Variants in LLGL2 observed in about 807,000 individuals in gnomAD.
The protein encoded by LLGL2 is LLGL2, scribble cell polarity complex component.
A neutral mutation model predicts 123.2 loss-of-function variants in LLGL2; 81 were observed. That is an observed-to-expected ratio of 0.66 (90% confidence interval 0.55 to 0.79). The LOEUF (loss-of-function observed/expected upper bound fraction) is 0.79, where lower values mean the gene tolerates loss of function less well. Ranked by LOEUF, LLGL2 falls within the 30% of genes least tolerant of loss-of-function variation. The pLI, the probability that LLGL2 is intolerant of heterozygous loss-of-function variation, is 0.00. For missense variants in LLGL2, 1,273 were observed against 1,414.6 expected (o/e 0.90, Z 1.61); for synonymous variants, 577 against 594.1 (o/e 0.97, Z 0.42).
chr17:75,572,348 C>G (rs961054162), intron 19 of LLGL2, among the ~76,000 whole-genome samples: 1 of 134,718 alleles, frequency 7.4e-6, no homozygotes, highest in African/African-American at 3.2e-5. Context: ...GAAACCCTGA[C>G]TACTAAAAAT....
In LLGL2 at chr17:75,547,116, C is replaced by T. The variant is rs144426921; in HGVS notation, c.75+3615C>T. ...CCTTTTTGTCCAACACCTTTTGGCT[C>T]AACTCCTTTATACCCACACCAAGCC... is the stretch of plus-strand genomic sequence containing the variant. On this transcript the variant is annotated intron_variant, in intron 2 of 25. Transcript: ENST00000392550. 3.2e-3 allele frequency among the ~76,000 whole-genome samples: 490 copies of T among 152,282 alleles called. 1 individual carries two copies. Among genetic ancestry groups the T allele is most frequent in the Middle Eastern group, 0.02 (6 of 294 alleles).
intron 1 of LLGL2, among the ~76,000 whole-genome samples, chr17:75,529,261 A>G (rs541840850): frequency 6.6e-6 from 1 of 150,830 alleles, no homozygotes; most frequent in Non-Finnish European, 1.5e-5. Context: ...CAGTGGCGTG[A>G]TCTCAGCTCA....
rs2054905088 is a variant in LLGL2 at position 75,556,158 on chromosome 17, C to T, written c.173+15C>T. ...GCCATCAAGCTGTATCCTCCGTCCC[C>T]TCGCTCCCACTCGGGCAGGGCCTTG... On this transcript the variant is annotated intron_variant, in intron 3 of 25. Transcript: ENST00000392550. 2 of 1,595,662 alleles carry T rather than the reference C, an allele frequency of 1.3e-6. No individual in the cohort carries two copies. Among genetic ancestry groups the T allele is most frequent in the African/African-American group, 1.3e-5 (1 of 74,878 alleles).
At chr17:75,539,915 C>A (rs905455796) in intron 1 of LLGL2, among the ~76,000 whole-genome samples, 16 of 152,162 alleles carry the variant, frequency 1.1e-4, no homozygotes, top group African/African-American at 3.9e-4. Context: ...GGTTGGAAAT[C>A]ATCCCATTTT....
intron 1 of LLGL2, among the ~76,000 whole-genome samples, chr17:75,539,855 C>T (rs933798883): frequency 5.9e-5 from 9 of 152,088 alleles, no homozygotes; most frequent in Non-Finnish European, 1.3e-4. Flanking sequence ...GTGATCCACC[C>T]GCCTCGGCCT....
chr17:75,529,158 AAAAAG>A (rs2053683438), intron 1 of LLGL2, among the ~76,000 whole-genome samples: 2 of 152,108 alleles, frequency 1.3e-5, no homozygotes, highest in African/African-American at 4.8e-5. Flanking sequence ...TGTCTCAAAA[AAAAAG>A]AGAGCAAAAA....
chr17:75,535,094 T>A (rs1409765036), intron 1 of LLGL2, among the ~76,000 whole-genome samples: 3 of 152,142 alleles, frequency 2.0e-5, no homozygotes, highest in Non-Finnish European at 2.9e-5. Context: ...CAGGGCGACA[T>A]GGGCACTTGC....
At chr17:75,534,671 A>G (rs1176350346) in intron 1 of LLGL2, among the ~76,000 whole-genome samples, 2 of 152,008 alleles carry the variant, frequency 1.3e-5, no homozygotes, top group Admixed American at 6.6e-5. Context: ...TGCTGAGACA[A>G]GGTCTCCCTA....
At chr17:75,537,233 TAAAC>T (rs2054037307) in intron 1 of LLGL2, among the ~76,000 whole-genome samples, 1 of 152,214 alleles carries the variant, frequency 6.6e-6, no homozygotes. Context: ...GACAGCTTAA[TAAAC>T]AGCACATCAA....
Position 75,573,498 on chromosome 17 carries a change from C to T in LLGL2, c.2743C>T (p.Pro915Ser), listed in dbSNP as rs774248063. The T allele has an allele frequency of 6.2e-6, 10 of 1,611,428 alleles. No individual in the cohort carries two copies. Among genetic ancestry groups the T allele is most frequent in the East Asian group, 2.2e-5 (1 of 44,824 alleles). ...CTCCCCAGGCTTCTACCTGATCTCA[C>T]CCTCGGAGTTTGAGCGCTTCTCTCT... Reference protein sequence around the residue: ...KYGQGFYLISPSEFERFSLST... With the variant: ...KYGQGFYLISSSEFERFSLST... The change falls in exon 21 of 26, where the codon CCC (proline) becomes TCC (serine). Residue 915 changes from proline to serine, a missense_variant. Pro to Ser is a moderately conservative substitution (Grantham distance 74, BLOSUM62 -1). Transcript: ENST00000392550.
chr17:75,560,833 CAAAG>C (rs1231685191), intron 6 of LLGL2, among the ~76,000 whole-genome samples: 8 of 50,588 alleles, frequency 1.6e-4, no homozygotes, highest in African/African-American at 4.9e-4. Flanking sequence ...AAAAAAAAAA[CAAAG>C]AAAAAACATT....
At chr17:75,563,841 A>G (rs746669269) in intron 9 of LLGL2, 35 bp downstream of exon 9, 45 of 1,602,890 alleles carry the variant, frequency 2.8e-5, no homozygotes, top group Non-Finnish European at 3.6e-5. Context: ...TCCTCTCCAG[A>G]GCCTTCCTGG....
At chr17:75,535,615 G>A (rs530190301) in intron 1 of LLGL2, among the ~76,000 whole-genome samples, 1 of 152,386 alleles carries the variant, frequency 6.6e-6, no homozygotes, top group African/African-American at 2.4e-5. Flanking sequence ...GGCAGGGTGG[G>A]AGAAGCAGTC....
intron 24 of LLGL2, 27 bp from the exon 25 acceptor site, chr17:75,574,583 A>G: frequency 3.1e-6 from 5 of 1,610,798 alleles, no homozygotes; most frequent in Non-Finnish European, 8.5e-7. Context: ...CCCTGAGGCC[A>G]TGACTCCCCT....
At position 75,571,798 on chromosome 17, in the gene LLGL2, G is replaced by A. The variant is rs768869598; in HGVS notation, c.2293+15G>A. 3 of 1,605,354 alleles carry A rather than the reference G, an allele frequency of 1.9e-6. No individual in the cohort carries two copies. The highest frequency in any genetic ancestry group is 1.7e-5 in the Admixed American group (1 of 60,008). ...GGCAGAGCAGGGTGAGTGCTGGGCAGGGAGAGCAGAGGGTGCTCGGGCTGC... is the reference window on the plus strand; with the variant it reads ...GGCAGAGCAGGGTGAGTGCTGGGCAAGGAGAGCAGAGGGTGCTCGGGCTGC... On this transcript the variant is annotated intron_variant, in intron 18 of 25. Transcript: ENST00000392550.
chr17:75,570,480 G>A lies in LLGL2; in HGVS notation c.2007G>A (p.Pro669=), dbSNP rs2305525. ...GGGTGTCCAGCCGGAAGCGGCACCCGGCTGGCCCCCCAGGAGAGGTGAGGC... is the reference window on the plus strand; with the variant it reads ...GGGTGTCCAGCCGGAAGCGGCACCCAGCTGGCCCCCCAGGAGAGGTGAGGC... ...RSRVSSRKRH[P]AGPPGEAQEG... is the part of the protein sequence containing the mutation. The change falls in exon 16 of 26, where the codon CCG becomes CCA. Residue 669 remains proline (P), a synonymous_variant. Coordinates refer to ENST00000392550, the MANE Select transcript of LLGL2 (RefSeq NM_001031803.2). 0.2 allele frequency: 314,150 copies of A among 1,577,350 alleles called. 33,649 individuals carry two copies. The highest frequency in any genetic ancestry group is 0.22 in the Non-Finnish European group (259,755 of 1,162,886).
rs934277097 is a variant in LLGL2, at chr17:75,559,192, G to A, written c.372-60G>A. 48 of 1,499,666 alleles carry A rather than the reference G, an allele frequency of 3.2e-5. 1 individual carries two copies. In the Middle Eastern group the frequency reaches 5.4e-4, roughly 17 times the overall value. The allele number at this position is 1,499,666 out of a possible 1,614,324, so 92.9% of individuals were successfully genotyped here. ...GTTTTCCGAGGAGTCAGGGGACCCC[G>A]TCCATGGCATCTCCCCTGCTGGGCA... On this transcript the variant is annotated intron_variant, in intron 5 of 25. Coordinates refer to ENST00000392550, the MANE Select transcript of LLGL2 (RefSeq NM_001031803.2). This position sits in a 1 kb window ranked among gnomAD's most constrained non-coding sequence, Gnocchi z 4.6.
At chr17:75,571,172 CG>C in intron 17 of LLGL2, 72 bp downstream of exon 17, 6 of 1,421,518 alleles carry the variant, frequency 4.2e-6, no homozygotes, top group South Asian at 1.3e-5. Flanking sequence ...GGGGGCATGC[CG>C]GGGGCTGCTG....
At chr17:75,550,715 A>T (rs115379287) in intron 2 of LLGL2, among the ~76,000 whole-genome samples, 4,846 of 140,210 alleles carry the variant, frequency 0.035, 274 homozygotes, top group African/African-American at 0.12. Context: ...CGGGAGGAGG[A>T]GGTTACAGTG....
Sources: allele counts gnomAD v4.1 joint callset (sites outside exome capture counted in the v4.1 genomes callset), GRCh38; gene constraint gnomAD v4.1.1; non-coding constraint Gnocchi (gnomAD v3.1); transcripts MANE v1.5; gene names NCBI Gene and HGNC (gene_info 2026-07-23, HGNC 2026-07-21).